RNF214: variants seen among roughly 807,000 people sequenced by gnomAD.
The protein encoded by RNF214 is ring finger protein 214.
In RNF214, 25 loss-of-function variants were observed where a neutral mutation model predicts 75.9. The observed-to-expected ratio is 0.33, with a 90% CI of 0.24 to 0.46. The LOEUF is 0.46. RNF214 is among the 20% of genes least tolerant of loss of function. The pLI, the probability that RNF214 is intolerant of heterozygous loss-of-function variation, is 1.00. For missense variants in RNF214, 725 were observed against 857.5 expected (o/e 0.85, Z 1.93); for synonymous variants, 314 against 308.8 (o/e 1.02, Z -0.18).
intron 4 of RNF214, among the ~76,000 whole-genome samples, chr11:117,240,213 TGTG>T (rs1293703644): frequency 6.7e-6 from 1 of 149,004 alleles, no homozygotes; most frequent in Non-Finnish European, 1.5e-5. Flanking sequence ...ATTAGCCAGG[TGTG>T]GTGGTGCATG....
At chr11:117,266,505 G>A (rs1325135397) in intron 6 of RNF214, among the ~76,000 whole-genome samples, 5 of 151,988 alleles carry the variant, frequency 3.3e-5, no homozygotes, top group African/African-American at 7.2e-5. Context: ...GACCACAGGC[G>A]TGCACCACCA....
intron 5 of RNF214, among the ~76,000 whole-genome samples, chr11:117,246,030 A>G (rs569684501): frequency 6.6e-6 from 1 of 152,222 alleles, no homozygotes; most frequent in East Asian, 1.9e-4. Context: ...AGTGGGTACA[A>G]TCAAGGCTCA....
intron 7 of RNF214, 65 bp from the exon 8 acceptor site, chr11:117,280,106 C>G: frequency 6.7e-7 from 1 of 1,501,204 alleles, no homozygotes; most frequent in South Asian, 1.2e-5. Context: ...TTTGTTTTCA[C>G]TACCTAGAGG....
At chr11:117,256,122 C>T (rs1001166929) in intron 6 of RNF214, among the ~76,000 whole-genome samples, 21 of 152,112 alleles carry the variant, frequency 1.4e-4, no homozygotes, top group African/African-American at 5.1e-4. Flanking sequence ...TTCCCAGACA[C>T]TCTCCCTCCC....
intron 2 of RNF214, among the ~76,000 whole-genome samples, chr11:117,236,571 C>T (rs906173438): frequency 8.5e-5 from 13 of 152,194 alleles, no homozygotes; most frequent in South Asian, 4.1e-4. Context: ...CGCACCTGGC[C>T]GTCCCTCAAC....
In RNF214 at chr11:117,281,924, A is replaced by T. The variant is rs750777148; in HGVS notation, c.1366A>T (p.Ser456Cys). The T allele has an allele frequency of 1.2e-6, 2 of 1,613,810 alleles. No individual in the cohort carries two copies. The highest frequency in any genetic ancestry group is 1.3e-5 in the African/African-American group (1 of 74,866). Residue 456 changes from serine (S) to cysteine (C), a missense_variant, in exon 11 of 15, where the codon AGT becomes TGT. Coordinates refer to ENST00000300650, the MANE Select transcript of RNF214 (RefSeq NM_207343.4). ...TDFMLQVFQPSPSLAPRMPFS... is the reference protein window; with the variant it reads ...TDFMLQVFQPCPSLAPRMPFS... ...CTTCATGCTTCAGGTGTTTCAACCC[A>T]GTCCCTCTCTGGCTCCTCGGATGCC...
intron 6 of RNF214, among the ~76,000 whole-genome samples, chr11:117,263,346 G>T (rs1055787879): frequency 3.3e-5 from 5 of 151,122 alleles, no homozygotes; most frequent in African/African-American, 4.9e-5. Flanking sequence ...TGCAGTCTCG[G>T]CTCACTGCAA....
At chr11:117,261,920 A>G (rs1290699588) in intron 6 of RNF214, among the ~76,000 whole-genome samples, 1 of 151,878 alleles carries the variant, frequency 6.6e-6, no homozygotes, top group East Asian at 2.0e-4. Context: ...TGCTGGGATT[A>G]CAGGTGTGAG....
intron 14 of RNF214, 61 bp from the exon 15 acceptor site, chr11:117,285,025 C>G: frequency 5.3e-4 from 593 of 1,118,978 alleles, no homozygotes; most frequent in Non-Finnish European, 7.3e-4. Flanking sequence ...TATTGGCATT[C>G]TCTCCTTCCT....
chr11:117,274,782 C>CT (rs1323871140), intron 6 of RNF214, among the ~76,000 whole-genome samples: 1 of 150,722 alleles, frequency 6.6e-6, no homozygotes, highest in East Asian at 2.0e-4. Flanking sequence ...TCAAGCAGTT[C>CT]TTCTGCCTTA....
intron 6 of RNF214, among the ~76,000 whole-genome samples, chr11:117,262,614 G>T (rs958513488): frequency 7.3e-5 from 11 of 151,056 alleles, no homozygotes; most frequent in Non-Finnish European, 1.6e-4. Flanking sequence ...ACTCCTGGCC[G>T]CAAGTGATCC....
chr11:117,255,954 C>G (rs923271071), intron 6 of RNF214, among the ~76,000 whole-genome samples: 35 of 152,192 alleles, frequency 2.3e-4, no homozygotes, highest in African/African-American at 7.5e-4. Context: ...TAACCCTTTA[C>G]TTAGTATAAG....
intron 6 of RNF214, among the ~76,000 whole-genome samples, chr11:117,258,023 G>C (rs562954987): frequency 6.6e-6 from 1 of 151,782 alleles, no homozygotes; most frequent in Admixed American, 6.6e-5. Flanking sequence ...TACTACAGTT[G>C]TTTTTGTCAG....
At chr11:117,265,829 C>T (rs370923473) in intron 6 of RNF214, among the ~76,000 whole-genome samples, 32 of 152,248 alleles carry the variant, frequency 2.1e-4, no homozygotes, top group African/African-American at 7.0e-4. Context: ...TGCATGTAAA[C>T]GCCAACACAA....
chr11:117,248,169 G>T (rs537404785), intron 6 of RNF214, among the ~76,000 whole-genome samples: 1 of 152,010 alleles, frequency 6.6e-6, no homozygotes, highest in Admixed American at 6.6e-5. Context: ...TCCACCTCCC[G>T]GGTTCACGCC....
At chr11:117,244,271 ATC>A (rs2033154377) in intron 4 of RNF214, among the ~76,000 whole-genome samples, 172 bp from the exon 5 acceptor site, 1 of 152,130 alleles carries the variant, frequency 6.6e-6, no homozygotes, top group South Asian at 2.1e-4. Flanking sequence ...GTGAGCCACC[ATC>A]CCCAGCCAAT....
intron 6 of RNF214, among the ~76,000 whole-genome samples, chr11:117,258,840 C>T (rs1043449761): frequency 6.6e-6 from 1 of 152,216 alleles, no homozygotes; most frequent in African/African-American, 2.4e-5. Context: ...TGTTCCAGTG[C>T]TTCACATAAA....
chr11:117,263,814 CT>C, intron 6 of RNF214: 2 of 233,652 alleles, frequency 8.6e-6, no homozygotes, highest in Non-Finnish European at 1.7e-5. Context: ...CTGGCCTATG[CT>C]TTTTCTACTC....
chr11:117,251,310 C>T (rs1237943921), intron 6 of RNF214, among the ~76,000 whole-genome samples: 7 of 112,900 alleles, frequency 6.2e-5, no homozygotes, highest in African/African-American at 2.1e-4. Context: ...GGGCTCCTCA[C>T]TTCCCAGTAG....
Sources: allele counts gnomAD v4.1 joint callset (sites outside exome capture counted in the v4.1 genomes callset), GRCh38; gene constraint gnomAD v4.1.1; transcripts MANE v1.5; gene names NCBI Gene and HGNC (gene_info 2026-07-23, HGNC 2026-07-21).